DOC2B: variants seen among roughly 807,000 people sequenced by gnomAD.
DOC2B encodes double C2 domain beta.
DOC2B carries 21 observed loss-of-function variants against 28.9 expected under a neutral mutation model. The observed-to-expected ratio is 0.73, with a 90% CI of 0.52 to 1.05. DOC2B has a LOEUF of 1.05. DOC2B is among the 50% of genes least tolerant of loss of function. DOC2B has a pLI of 0.00. For missense variants in DOC2B, 384 were observed against 421.1 expected (o/e 0.91, Z 0.77); for synonymous variants, 194 against 178.1 (o/e 1.09, Z -0.71).
At chr17:164,077 C>A in intron 3 of DOC2B, 53 bp downstream of exon 3, 1 of 1,417,310 alleles carries the variant, frequency 7.1e-7, no homozygotes. Context: ...AGTGCATTGC[C>A]TGAGGTGGTG....
chr17:181,362 A>C lies in DOC2B; in HGVS notation c.118T>G (p.Phe40Val). Residue 40 changes from phenylalanine to valine, a missense_variant, in exon 1 of 9, where the codon TTC becomes GTC. Phe to Val is a conservative substitution (Grantham distance 50). Coordinates refer to ENST00000613549, the MANE Select transcript of DOC2B (RefSeq NM_003585.5). This position sits in a 1 kb window ranked among gnomAD's most constrained non-coding sequence, Gnocchi z 7.0. ...GCGTCCGGGGGCAGGCCCCGCGGGA[A>C]GCGGGGGAAGTAGTCGGAGATCTGC... ...IKQISDYFPR[F>V]PRGLPPDAGP... 1 of 1,128,376 alleles carries C rather than the reference A, an allele frequency of 8.9e-7. No homozygotes were observed. Among genetic ancestry groups the C allele is most frequent in the Non-Finnish European group, 1.1e-6 (1 of 920,822 alleles). 69.9% of individuals were successfully genotyped at this position (1,128,376 alleles called of 1,614,324 possible).
rs1597812496 is a variant in DOC2B, at chr17:147,261, G to A, written c.*180C>T. ...CCCACCCCAGCTCCTTGCCCTCCCCGTCCCAGAGTGGCTGAGCCCTCCACA... is the reference window on the plus strand; with the variant it reads ...CCCACCCCAGCTCCTTGCCCTCCCCATCCCAGAGTGGCTGAGCCCTCCACA... On this transcript the variant is annotated 3_prime_UTR_variant, in exon 9 of 9. Transcript: ENST00000613549. The A allele has an allele frequency of 2.9e-5, 11 of 378,950 alleles. No individual in the cohort carries two copies. The highest frequency in any genetic ancestry group is 7.5e-5 in the East Asian group (2 of 26,770). 23.5% of individuals were successfully genotyped at this position (378,950 alleles called of 1,614,324 possible).
At position 156,162 on chromosome 17, in the gene DOC2B, G is replaced by A. The variant is rs113976434; in HGVS notation, c.923+58C>T. The A allele has an allele frequency of 1.9e-3, 2,755 of 1,482,698 alleles. 48 individuals are homozygous for A. In the African/African-American group the frequency reaches 0.033, roughly 18 times the overall value. 91.8% of individuals were successfully genotyped at this position (1,482,698 alleles called of 1,614,324 possible). A position where few individuals can be genotyped will look rare whatever the true frequency, so the allele number is the denominator to read the frequency against. On this transcript the variant is annotated intron_variant, in intron 6 of 8. Coordinates refer to ENST00000613549, the MANE Select transcript of DOC2B (RefSeq NM_003585.5). ...ACCTGGGACCACGGAGCCGGCACAC[G>A]GACCCCCGTCCTTGGAGGTGAAGAC...
At chr17:164,242 G>T (rs749518257) in intron 2 of DOC2B, 38 bp from the exon 3 acceptor site, 1 of 1,482,442 alleles carries the variant, frequency 6.7e-7, no homozygotes, top group Non-Finnish European at 9.2e-7. Flanking sequence ...ACTGGAAATC[G>T]GGGACATGGA....
rs1372911823 is a variant in DOC2B, at chr17:144,766, G to C, written c.*2675C>G. ...ACAGCCTGGGCAGTAGAGGGCCCTG[G>C]ACTGGGGGGCTGGAGTTCTGGGTTC... On this transcript the variant is annotated 3_prime_UTR_variant, in exon 9 of 9. Transcript: ENST00000613549. 25 of 152,274 alleles carry C rather than the reference G, an allele frequency of 1.6e-4. No homozygotes were observed. The highest frequency in any genetic ancestry group is 6.0e-4 in the African/African-American group (25 of 41,452). 9.4% of individuals were successfully genotyped at this position (152,274 alleles called of 1,614,324 possible). A position where few individuals can be genotyped will look rare whatever the true frequency, so the allele number is the denominator to read the frequency against.
chr17:166,612 G>A (rs368403419), intron 2 of DOC2B, among the ~76,000 whole-genome samples: 1 of 152,164 alleles, frequency 6.6e-6, no homozygotes, highest in African/African-American at 2.4e-5. Context: ...TGTTCTTGAC[G>A]TAGTGAATAC....
chr17:175,881 C>T (rs1304310908), intron 1 of DOC2B, among the ~76,000 whole-genome samples: 1 of 152,192 alleles, frequency 6.6e-6, no homozygotes, highest in African/African-American at 2.4e-5. Flanking sequence ...GGAAAACTGA[C>T]ACCCGTCACC....
At chr17:176,311 T>C (rs1166525323) in intron 1 of DOC2B, among the ~76,000 whole-genome samples, 3 of 151,230 alleles carry the variant, frequency 2.0e-5, no homozygotes, top group Non-Finnish European at 4.4e-5. Context: ...GCCTCCCAAG[T>C]AGCTGGGACT....
At position 172,646 on chromosome 17, in the gene DOC2B, C is replaced by A. The variant is rs1244336879; in HGVS notation, c.374-30G>T. The A allele has an allele frequency of 2.0e-6, 3 of 1,529,326 alleles. No individual in the cohort carries two copies. In the African/African-American group the frequency reaches 4.1e-5, roughly 21 times the overall value. 94.7% of individuals were successfully genotyped at this position (1,529,326 alleles called of 1,614,324 possible). A position where few individuals can be genotyped will look rare whatever the true frequency, so the allele number is the denominator to read the frequency against. On this transcript the variant is annotated intron_variant, in intron 1 of 8. Transcript: ENST00000613549. Reference sequence around the variant, plus strand: ...GGACAGAGGAGGGCACAGGTCCCACCCTGGCCGCATCTTGGAGAGGCTTCG... The same window carrying A: ...GGACAGAGGAGGGCACAGGTCCCACACTGGCCGCATCTTGGAGAGGCTTCG...
intron 6 of DOC2B, among the ~76,000 whole-genome samples, chr17:153,763 G>A (rs936767201): frequency 8.6e-5 from 13 of 151,420 alleles, no homozygotes; most frequent in African/African-American, 2.2e-4. Flanking sequence ...GGATATATAC[G>A]CGTGAAATTC....
chr17:150,847 A>G (rs1241943067), intron 6 of DOC2B, among the ~76,000 whole-genome samples: 3 of 152,352 alleles, frequency 2.0e-5, no homozygotes, highest in Middle Eastern at 6.8e-3. Flanking sequence ...AGCAACAAAA[A>G]GGACCAAACT....
rs552927186 is a variant in DOC2B at position 157,150 on chromosome 17, G to A, written c.766-773C>T. On this transcript the variant is annotated intron_variant, in intron 5 of 8. Coordinates refer to ENST00000613549, the MANE Select transcript of DOC2B (RefSeq NM_003585.5). Reference sequence around the variant, plus strand: ...CCCCGGCCTGGCGCGCTCGGCTTCCGCGGACGGTCTTCCACCAGGTCCTCC... The same window carrying A: ...CCCCGGCCTGGCGCGCTCGGCTTCCACGGACGGTCTTCCACCAGGTCCTCC... Among the ~76,000 whole-genome samples the A allele has an allele frequency of 9.0e-4, 137 of 152,288 alleles. 1 individual carries two copies. The highest frequency in any genetic ancestry group is 1.4e-3 in the Non-Finnish European group (95 of 68,024).
intron 2 of DOC2B, 57 bp downstream of exon 2, chr17:172,480 T>C (rs762997281): frequency 2.8e-4 from 406 of 1,450,644 alleles, no homozygotes; most frequent in Admixed American, 2.6e-4. Context: ...CTCCCTGACC[T>C]AGGCCCTCTT....
chr17:181,338 C>T lies in DOC2B; in HGVS notation c.142G>A (p.Ala48Thr), dbSNP rs1484478210. Residue 48 changes from alanine (A) to threonine (T), a missense_variant, in exon 1 of 9, where the codon GCC (alanine) becomes ACC (threonine). Coordinates refer to ENST00000613549, the MANE Select transcript of DOC2B (RefSeq NM_003585.5). The surrounding 1 kb of genome is among the most constrained non-coding windows in gnomAD (Gnocchi z 7.0). Reference protein sequence around the residue: ...PRFPRGLPPDAGPRAAAPPDA... With the variant: ...PRFPRGLPPDTGPRAAAPPDA... ...GGGGGTGCAGCGGCTCGGGGCCCGG[C>T]GTCCGGGGGCAGGCCCCGCGGGAAG... 7 of 1,130,828 alleles carry T rather than the reference C, an allele frequency of 6.2e-6. No homozygotes were observed. Among genetic ancestry groups the T allele is most frequent in the Admixed American group, 4.9e-5 (1 of 20,522 alleles). 70.0% of individuals were successfully genotyped at this position (1,130,828 alleles called of 1,614,324 possible). A position where few individuals can be genotyped will look rare whatever the true frequency, so the allele number is the denominator to read the frequency against.
Position 148,239 on chromosome 17 carries a change from G to A in DOC2B, c.1036C>T (p.Leu346=), listed in dbSNP as rs929485510. Residue 346 remains leucine, a synonymous_variant, in exon 8 of 9, where the codon CTG becomes TTG. Transcript: ENST00000613549. ...EFCYEIKHGD[L]AKKSLEVTVW... ...GTGACCTCCAGGGACTTCTTGGCCA[G>A]GTCCCCATGCTTGATCTCGTAACAG... 5.0e-6 allele frequency: 2 copies of A among 398,646 alleles called. No individual in the cohort carries two copies. The highest frequency in any genetic ancestry group is 4.4e-6 in the Non-Finnish European group (1 of 226,100). 24.7% of individuals were successfully genotyped at this position (398,646 alleles called of 1,614,324 possible). A position where few individuals can be genotyped will look rare whatever the true frequency, so the allele number is the denominator to read the frequency against.
intron 6 of DOC2B, among the ~76,000 whole-genome samples, chr17:153,485 T>C (rs1011507334): frequency 3.3e-5 from 5 of 152,136 alleles, no homozygotes; most frequent in Non-Finnish European, 7.4e-5. Context: ...GGTGGATCAC[T>C]TGAGGTCAGG....
At chr17:157,801 C>T (rs2040152864) in intron 5 of DOC2B, among the ~76,000 whole-genome samples, 1 of 152,218 alleles carries the variant, frequency 6.6e-6, no homozygotes, top group Non-Finnish European at 1.5e-5. Flanking sequence ...ACTAAGGGCC[C>T]ACTGGAGGCT....
intron 1 of DOC2B, among the ~76,000 whole-genome samples, chr17:176,389 G>T (rs1185373100): frequency 1.1e-5 from 1 of 87,038 alleles, no homozygotes; most frequent in Non-Finnish European, 2.5e-5. Flanking sequence ...CAGTGGTGTT[G>T]GTGCGGGGGG....
intron 5 of DOC2B, among the ~76,000 whole-genome samples, chr17:158,559 C>G (rs1442314519): frequency 6.6e-6 from 1 of 152,242 alleles, no homozygotes; most frequent in Non-Finnish European, 1.5e-5. Context: ...GCTAATCGAT[C>G]CTAGCATTTG....
Sources: allele counts gnomAD v4.1 joint callset (sites outside exome capture counted in the v4.1 genomes callset), GRCh38; gene constraint gnomAD v4.1.1; non-coding constraint Gnocchi (gnomAD v3.1); transcripts MANE v1.5; gene names NCBI Gene and HGNC (gene_info 2026-07-23, HGNC 2026-07-21).